PACS1: variants seen among roughly 807,000 people sequenced by gnomAD.
PACS1 encodes the protein phosphofurin acidic cluster sorting protein 1, also known as PACS-1.
Under a neutral mutation model 115.0 loss-of-function variants are expected in PACS1, and 24 were observed. The observed-to-expected ratio is 0.21, with a 90% CI of 0.15 to 0.29. The LOEUF (loss-of-function observed/expected upper bound fraction) is 0.29. Among genes scored for constraint, PACS1 ranks in the 10% least tolerant of loss-of-function variants. The pLI is 1.00. For missense variants in PACS1, 838 were observed against 1,251.2 expected (o/e 0.67, Z 4.98); for synonymous variants, 453 against 504.5 (o/e 0.90, Z 1.37).
At chr11:66,134,330 C>T (rs1380355667) in intron 1 of PACS1, among the ~76,000 whole-genome samples, 6 of 118,942 alleles carry the variant, frequency 5.0e-5, no homozygotes, top group Non-Finnish European at 9.7e-5. Flanking sequence ...GGAGCAATCT[C>T]GCTCGGCTCA....
chr11:66,148,122 GT>G (rs1420297975), intron 1 of PACS1, among the ~76,000 whole-genome samples: 1 of 152,148 alleles, frequency 6.6e-6, no homozygotes, highest in Non-Finnish European at 1.5e-5. Flanking sequence ...TAGTTGGGCA[GT>G]AGCCATTAAA....
At chr11:66,164,196 T>C (rs1288414624) in intron 1 of PACS1, among the ~76,000 whole-genome samples, 1 of 152,218 alleles carries the variant, frequency 6.6e-6, no homozygotes, top group Admixed American at 6.5e-5. Flanking sequence ...ATTTAGTCTC[T>C]GGGTATTACT....
intron 1 of PACS1, among the ~76,000 whole-genome samples, chr11:66,131,754 T>C (rs1047440019): frequency 2.0e-5 from 3 of 151,904 alleles, no homozygotes; most frequent in African/African-American, 7.3e-5. Context: ...ATAGCAAGAC[T>C]CCATCTCTAT....
At chr11:66,219,077 G>A (rs1299843727) in intron 7 of PACS1, among the ~76,000 whole-genome samples, 2 of 152,024 alleles carry the variant, frequency 1.3e-5, no homozygotes, top group Non-Finnish European at 2.9e-5. Flanking sequence ...AGCATGAGCA[G>A]GTTTGCACTC....
intron 1 of PACS1, among the ~76,000 whole-genome samples, chr11:66,170,055 T>C (rs941507428): frequency 6.6e-6 from 1 of 150,670 alleles, no homozygotes; most frequent in African/African-American, 2.5e-5. Flanking sequence ...TGTTAAATTA[T>C]ATGTTTCTAG....
At chr11:66,105,424 A>AAAAC (rs770103726) in intron 1 of PACS1, among the ~76,000 whole-genome samples, 1 of 152,194 alleles carries the variant, frequency 6.6e-6, no homozygotes, top group Non-Finnish European at 1.5e-5. Context: ...ACTCTGTTTC[A>AAAAC]AAACAAACAA....
chr11:66,153,206 C>T (rs1859283975), intron 1 of PACS1, among the ~76,000 whole-genome samples: 1 of 152,112 alleles, frequency 6.6e-6, no homozygotes, highest in South Asian at 2.1e-4. Flanking sequence ...TTATGGTGCA[C>T]TATAGCCTTG....
intron 1 of PACS1, among the ~76,000 whole-genome samples, chr11:66,080,677 G>A (rs1209964157): frequency 2.0e-5 from 3 of 152,150 alleles, no homozygotes; most frequent in Admixed American, 1.3e-4. Context: ...CACCAGAGCC[G>A]TTTCTGTGTT....
chr11:66,077,485 C>G (rs900336162), intron 1 of PACS1, among the ~76,000 whole-genome samples: 4 of 152,140 alleles, frequency 2.6e-5, no homozygotes, highest in Non-Finnish European at 4.4e-5. Context: ...CACTTGAGCT[C>G]TGGAGGTCGA....
chr11:66,243,582 T>G lies in PACS1; in HGVS notation c.*302T>G. On this transcript the variant is annotated 3_prime_UTR_variant, in exon 24 of 24. Transcript: ENST00000320580. ...CCCCTGGACTGAGTCCCCCAGGCCT[T>G]CCTTCACCCGACTTCCAAACTCTTC... is the stretch of plus-strand genomic sequence containing the variant. The G allele has an allele frequency of 3.0e-6, 1 of 334,978 alleles. No individual in the cohort carries two copies. Among genetic ancestry groups the G allele is most frequent in the Non-Finnish European group, 5.6e-6 (1 of 179,460 alleles). The allele number at this position is 334,978 out of a possible 1,614,324, so 20.8% of individuals were successfully genotyped here. A position where few individuals can be genotyped will look rare whatever the true frequency, so the allele number is the denominator to read the frequency against.
At chr11:66,172,514 C>A (rs536071694) in intron 1 of PACS1, among the ~76,000 whole-genome samples, 2 of 152,292 alleles carry the variant, frequency 1.3e-5, no homozygotes, top group South Asian at 4.1e-4. Flanking sequence ...CTGTCAACTG[C>A]CAGTACAAAC....
intron 1 of PACS1, among the ~76,000 whole-genome samples, chr11:66,095,738 G>A (rs1050852858): frequency 3.3e-5 from 5 of 152,108 alleles, no homozygotes; most frequent in East Asian, 3.9e-4. Context: ...GATTACAGGC[G>A]TGAGCCACCA....
intron 22 of PACS1, 31 bp downstream of exon 22, chr11:66,241,684 G>A: frequency 6.4e-7 from 1 of 1,552,100 alleles, no homozygotes; most frequent in Non-Finnish European, 8.9e-7. Flanking sequence ...GGAAGACCAT[G>A]GGCCACCAGG....
chr11:66,236,135 A>G lies in PACS1; in HGVS notation c.2250+195A>G, dbSNP rs1388318132. Among the ~76,000 whole-genome samples, 2 of 140,114 alleles carry G rather than the reference A, an allele frequency of 1.4e-5. No homozygotes were observed. The highest frequency in any genetic ancestry group is 2.2e-4 in the East Asian group (1 of 4,528). 91.9% of individuals were successfully genotyped at this position (140,114 alleles called of 152,430 possible). A position where few individuals can be genotyped will look rare whatever the true frequency, so the allele number is the denominator to read the frequency against. ...GGGGGGTACCCAGTGGGTGGAGGCC[A>G]GGGATGCAGCTGGTCATCCTCCAGT... On this transcript the variant is annotated intron_variant, in intron 19 of 23. Transcript: ENST00000320580. This position sits in a 1 kb window ranked among gnomAD's most constrained non-coding sequence, Gnocchi z 4.2.
intron 1 of PACS1, among the ~76,000 whole-genome samples, chr11:66,139,840 A>G (rs1214019320): frequency 1.3e-5 from 2 of 152,038 alleles, no homozygotes; most frequent in Non-Finnish European, 2.9e-5. Flanking sequence ...TTCTATACTG[A>G]TTTCCTTTAT....
At chr11:66,225,717 C>T (rs1267474715) in intron 10 of PACS1, among the ~76,000 whole-genome samples, 3 of 152,162 alleles carry the variant, frequency 2.0e-5, no homozygotes. Flanking sequence ...AACAACAAGG[C>T]GTGCTACTTC....
intron 2 of PACS1, among the ~76,000 whole-genome samples, chr11:66,195,030 C>T (rs1313521800): frequency 6.6e-6 from 1 of 152,158 alleles, no homozygotes; most frequent in Non-Finnish European, 1.5e-5. Flanking sequence ...TCGAGACCAG[C>T]CTGGCCAACA....
chr11:66,121,380 C>G lies in PACS1; in HGVS notation c.356+50538C>G, dbSNP rs1858438448. ...TATTGAAATTAGGTCAATTAATAAC[C>G]CTACAATGGCTTTTAAATGTTCAAG... On this transcript the variant is annotated intron_variant, in intron 1 of 23. Transcript: ENST00000320580. Among the ~76,000 whole-genome samples, 3 of 152,230 alleles carry G rather than the reference C, an allele frequency of 2.0e-5. No individual in the cohort carries two copies. In the South Asian group the frequency reaches 6.2e-4, roughly 32 times the overall value.
At chr11:66,183,914 T>G (rs1047944751) in intron 1 of PACS1, among the ~76,000 whole-genome samples, 8 of 152,148 alleles carry the variant, frequency 5.3e-5, no homozygotes, top group Admixed American at 1.3e-4. Context: ...ATCTGGGTGT[T>G]GCCATGGCAA....
Sources: gnomAD v4.1 joint callset for allele counts (sites outside exome capture counted in the v4.1 genomes callset) on GRCh38, gnomAD v4.1.1 for gene constraint, Gnocchi (gnomAD v3.1) non-coding constraint, MANE v1.5 for transcripts, NCBI Gene and HGNC (gene_info 2026-07-23, HGNC 2026-07-21) for gene names.